The following TXNRD3 variants were observed in gnomAD, a reference collection of about 807,000 sequenced individuals.
The protein encoded by TXNRD3 is thioredoxin reductase 3, also known as TXNRD3 neighbor gene protein.
TXNRD3 carries 68 observed loss-of-function variants against 78.2 expected under a neutral mutation model. The observed-to-expected ratio is 0.87, with a 90% CI of 0.72 to 1.06. The LOEUF is 1.06. TXNRD3 is among the 50% of genes least tolerant of loss of function. The probability of loss-of-function intolerance (pLI) is 0.00; values close to 1 mark genes in which losing one functional copy is unlikely to be tolerated. For missense variants in TXNRD3, 751 were observed against 809.5 expected (o/e 0.93, Z 0.88); for synonymous variants, 296 against 300.1 (o/e 0.99, Z 0.14).
At chr3:126,643,343 C>A (rs538309910) in intron 5 of TXNRD3, among the ~76,000 whole-genome samples, 2 of 152,298 alleles carry the variant, frequency 1.3e-5, no homozygotes, top group South Asian at 4.2e-4. Context: ...TGTGGAAAAA[C>A]AACATGGAAA....
At chr3:126,613,064 T>C (rs1938234110) in intron 13 of TXNRD3, among the ~76,000 whole-genome samples, 1 of 152,212 alleles carries the variant, frequency 6.6e-6, no homozygotes, top group South Asian at 2.1e-4. Flanking sequence ...ATTAAATTAC[T>C]CTTGAAGTTT....
chr3:126,631,485 TTTG>T (rs1472116971), intron 8 of TXNRD3, among the ~76,000 whole-genome samples: 1 of 152,124 alleles, frequency 6.6e-6, no homozygotes, highest in Non-Finnish European at 1.5e-5. Context: ...ACTTCTTTGT[TTTG>T]GCCTGTAAGA....
intron 14 of TXNRD3, chr3:126,609,259 T>G: frequency 3.3e-6 from 1 of 301,828 alleles, no homozygotes; most frequent in Non-Finnish European, 7.2e-6. Flanking sequence ...AGTAAAAGCA[T>G]ACAATAGATG....
chr3:126,611,131 A>G lies in TXNRD3; in HGVS notation c.1634T>C (p.Ile545Thr). The stretch of plus-strand genomic sequence containing the variant: ...AAGAGGCCAGAACAAAGTATGATAT[A>G]TCTGGAAGATAAAAGAGAGAAAAAG... The change falls in exon 14 of 16, where the codon ATA becomes ACA. Residue 545 changes from isoleucine to threonine, a missense_variant and splice_region_variant. Transcript: ENST00000524230. 6.6e-7 allele frequency: 1 copy of G among 1,510,178 alleles called. No homozygotes were observed. The highest frequency in any genetic ancestry group is 2.5e-5 in the East Asian group (1 of 40,510). 93.5% of individuals were successfully genotyped at this position (1,510,178 alleles called of 1,614,324 possible).
Position 126,647,262 on chromosome 3 carries a change from C to T in TXNRD3, c.278G>A (p.Cys93Tyr). ...AACTTGATCAAGTTCCAAGACATTA[C>T]ATTCGACTCCCAAAGAAGAAAAGAG... Residue 93 changes from cysteine (C) to tyrosine (Y), a missense_variant, in exon 2 of 16, where the codon TGT (cysteine) becomes TAT (tyrosine). Physicochemically the swap from Cys to Tyr is radical, Grantham distance 194. Transcript: ENST00000524230. 1 of 1,535,698 alleles carries T rather than the reference C, an allele frequency of 6.5e-7. No homozygotes were observed. The highest frequency in any genetic ancestry group is 8.7e-7 in the Non-Finnish European group (1 of 1,146,814).
chr3:126,636,635 C>T (rs963476949), intron 6 of TXNRD3, among the ~76,000 whole-genome samples: 3 of 152,194 alleles, frequency 2.0e-5, no homozygotes, highest in African/African-American at 4.8e-5. Context: ...GCGAGCCCTA[C>T]CCACTCACAT....
intron 10 of TXNRD3, among the ~76,000 whole-genome samples, chr3:126,626,923 C>T (rs1370682698): frequency 2.6e-5 from 4 of 150,972 alleles, no homozygotes; most frequent in Non-Finnish European, 5.9e-5. Flanking sequence ...AGACCCCAAC[C>T]GTAAAAAAAA....
intron 6 of TXNRD3, among the ~76,000 whole-genome samples, chr3:126,638,881 G>A (rs1241123091): frequency 1.3e-5 from 2 of 152,210 alleles, no homozygotes; most frequent in Non-Finnish European, 1.5e-5. Flanking sequence ...CCCCATGGGG[G>A]CAGGGAGTGC....
intron 10 of TXNRD3, 43 bp downstream of exon 10, chr3:126,629,336 G>A (rs1374586960): frequency 1.4e-5 from 18 of 1,276,642 alleles, no homozygotes; most frequent in Non-Finnish European, 1.9e-5. Context: ...TGTTAATTTA[G>A]GAGTGTGTTC....
At chr3:126,647,837 C>T (rs537152618) in intron 1 of TXNRD3, among the ~76,000 whole-genome samples, 35 of 152,104 alleles carry the variant, frequency 2.3e-4, no homozygotes, top group African/African-American at 7.5e-4. Context: ...GACCCTGTCC[C>T]CCTCCAAAAA....
At chr3:126,638,831 A>C (rs1397428635) in intron 6 of TXNRD3, among the ~76,000 whole-genome samples, 1 of 152,256 alleles carries the variant, frequency 6.6e-6, no homozygotes, top group East Asian at 1.9e-4. Flanking sequence ...GAAAGTATTT[A>C]GAAATATTCA....
intron 14 of TXNRD3, among the ~76,000 whole-genome samples, chr3:126,609,692 T>C (rs777242): frequency 0.88 from 133,463 of 152,144 alleles, 59,490 homozygotes; most frequent in Middle Eastern, 0.97. Context: ...GGCCTAGGGA[T>C]CTGGGCGGGA....
chr3:126,631,202 TAAAAA>T, intron 8 of TXNRD3, among the ~76,000 whole-genome samples: 1 of 150,082 alleles, frequency 6.7e-6, no homozygotes, highest in Middle Eastern at 3.4e-3. Context: ...TTACATGTGA[TAAAAA>T]AAAAAACCTG....
chr3:126,644,448 T>C, intron 3 of TXNRD3, 47 bp from the exon 4 acceptor site: 1 of 1,341,600 alleles, frequency 7.5e-7, no homozygotes, highest in Non-Finnish European at 1.0e-6. Context: ...TTTAAAGTTT[T>C]ACAGCTATTT....
intron 14 of TXNRD3, among the ~76,000 whole-genome samples, chr3:126,610,800 C>T (rs761278598): frequency 2.6e-5 from 4 of 152,066 alleles, no homozygotes; most frequent in African/African-American, 7.2e-5. Flanking sequence ...TAAATGACAA[C>T]GTGGAGGTGC....
Position 126,648,064 on chromosome 3 carries a change from T to A in TXNRD3, c.244-768A>T, listed in dbSNP as rs183296938. On this transcript the variant is annotated intron_variant, in intron 1 of 15. Coordinates refer to ENST00000524230, the MANE Select transcript of TXNRD3 (RefSeq NM_052883.3). Reference sequence around the variant, plus strand: ...ATCAACACACAAAAATCAGTTGATTTTCTGTATACCAATAACGAACAATCC... The same window carrying A: ...ATCAACACACAAAAATCAGTTGATTATCTGTATACCAATAACGAACAATCC... Among the ~76,000 whole-genome samples the A allele has an allele frequency of 4.1e-3, 618 of 152,286 alleles. 5 individuals are homozygous for A. Among genetic ancestry groups the A allele is most frequent in the African/African-American group, 0.014 (577 of 41,556 alleles).
chr3:126,642,076 G>A lies in TXNRD3; in HGVS notation c.668C>T (p.Ala223Val). ...GCCAAATTTCCTTGAGTCACATAAT[G>A]CCTGCCCCAAAAGGGCAGCCTGATG... Residue 223 changes from alanine to valine, a missense_variant, in exon 6 of 16, where the codon GCA becomes GTA. By Grantham distance (64) the Ala-to-Val change is moderately conservative (BLOSUM62 0). Transcript: ENST00000524230. The A allele has an allele frequency of 6.5e-7, 1 of 1,534,810 alleles. No homozygotes were observed. The highest frequency in any genetic ancestry group is 8.7e-7 in the Non-Finnish European group (1 of 1,146,402).
intron 3 of TXNRD3, among the ~76,000 whole-genome samples, chr3:126,645,271 T>C (rs1933199375): frequency 6.6e-6 from 1 of 152,202 alleles, no homozygotes; most frequent in Admixed American, 6.5e-5. Flanking sequence ...ATCCAAGAAA[T>C]ATCTTTCTGT....
rs1576297256 is a variant in TXNRD3, at chr3:126,647,225, G to A, written c.304+11C>T. The A allele has an allele frequency of 4.6e-6, 7 of 1,529,740 alleles. No homozygotes were observed. In the East Asian group the frequency reaches 1.7e-4, roughly 37 times the overall value. 94.8% of individuals were successfully genotyped at this position (1,529,740 alleles called of 1,614,324 possible). A position where few individuals can be genotyped will look rare whatever the true frequency, so the allele number is the denominator to read the frequency against. On this transcript the variant is annotated intron_variant, in intron 2 of 15. Transcript: ENST00000524230. ...TTATAAACAACACTATGTTGTAACT[G>A]GTCTACTTACCAACTTGATCAAGTT...
Sources: gnomAD v4.1 joint callset for allele counts (sites outside exome capture counted in the v4.1 genomes callset) on GRCh38, gnomAD v4.1.1 for gene constraint, MANE v1.5 for transcripts, NCBI Gene and HGNC (gene_info 2026-07-23, HGNC 2026-07-21) for gene names.